PKMYT1: variants seen among roughly 807,000 people sequenced by gnomAD.
PKMYT1 encodes protein kinase, membrane associated tyrosine/threonine 1, also known as membrane-associated tyrosine- and threonine-specific cdc2-inhibitory kinase.
Under a neutral mutation model 49.7 loss-of-function variants are expected in PKMYT1, and 35 were observed. The ratio of observed to expected loss-of-function variants is 0.70; its 90% CI spans 0.54 to 0.93. PKMYT1 has a LOEUF of 0.93. Among genes scored for constraint, PKMYT1 ranks in the 40% least tolerant of loss-of-function variants. The pLI is 0.00. For missense variants in PKMYT1, 677 were observed against 673.1 expected (o/e 1.01, Z -0.06); for synonymous variants, 331 against 287.6 (o/e 1.15, Z -1.53).
rs919737992 is a variant in PKMYT1, at chr16:2,977,583, T to C, written c.11-552A>G. On this transcript the variant is annotated intron_variant, in intron 2 of 8. Coordinates refer to ENST00000262300, the MANE Select transcript of PKMYT1 (RefSeq NM_004203.5). ...AAACAGCACAACTGATGACGATTATTCAAAAGCAAGCACTGAAAGCCTCTG... is the reference window on the plus strand; with the variant it reads ...AAACAGCACAACTGATGACGATTATCCAAAAGCAAGCACTGAAAGCCTCTG... The C allele has an allele frequency of 1.2e-5, 9 of 776,538 alleles. No individual in the cohort carries two copies. In the African/African-American group the frequency reaches 1.7e-4, roughly 15 times the overall value. 48.1% of individuals were successfully genotyped at this position (776,538 alleles called of 1,614,324 possible). A position where few individuals can be genotyped will look rare whatever the true frequency, so the allele number is the denominator to read the frequency against.
chr16:2,973,114 A>G, intron 8 of PKMYT1, 24 bp downstream of exon 8: 3 of 1,560,734 alleles, frequency 1.9e-6, no homozygotes, highest in Non-Finnish European at 2.6e-6. Flanking sequence ...AGCCCTGCCC[A>G]CCCCAGCCCC....
chr16:2,972,815 C>T lies in PKMYT1; in HGVS notation c.*138G>A, dbSNP rs948763327. 3.9e-6 allele frequency: 6 copies of T among 1,538,000 alleles called. No individual in the cohort carries two copies. In the African/African-American group the frequency reaches 4.1e-5, roughly 11 times the overall value. ...GTTGCCACATGAGCAAGCTTGGGTGCTCCCAAGGTTCAAATACTTTTTATT... is the reference window on the plus strand; with the variant it reads ...GTTGCCACATGAGCAAGCTTGGGTGTTCCCAAGGTTCAAATACTTTTTATT... On this transcript the variant is annotated 3_prime_UTR_variant, in exon 9 of 9. Coordinates refer to ENST00000262300, the MANE Select transcript of PKMYT1 (RefSeq NM_004203.5).
At chr16:2,975,996 C>A (rs776986543) in intron 3 of PKMYT1, 184 bp from the exon 4 acceptor site, 1 of 679,994 alleles carries the variant, frequency 1.5e-6, no homozygotes, top group Non-Finnish European at 2.4e-6. Context: ...ATCCCTCGGG[C>A]TGGGTCTGTG....
rs61747725 is a variant in PKMYT1 at position 2,976,984 on chromosome 16, G to A, written c.58C>T (p.Pro20Ser). The A allele has an allele frequency of 4.9e-4, 762 of 1,565,820 alleles. 2 individuals are homozygous for A. The African/African-American group carries it at 8.9e-3, about 18-fold the overall frequency. The change falls in exon 3 of 9, where the codon CCT becomes TCT. Residue 20 changes from proline (P) to serine (S), a missense_variant. Physicochemically the swap from Pro to Ser is moderately conservative, Grantham distance 74. Transcript: ENST00000262300. ...MPMPTEGTPP[P>S]LSGTPIPVPA... ...ACTGGGATGGGGGTGCCACTCAGAG[G>A]TGGCGGGGTGCCCTCCGTGGGCATG...
At chr16:2,980,258 G>C (rs918564062) in intron 1 of PKMYT1, 28 bp downstream of exon 1, 5 of 154,296 alleles carry the variant, frequency 3.2e-5, no homozygotes, top group African/African-American at 1.2e-4. Flanking sequence ...GCCACGCCGA[G>C]GCCCCTCACG....
At chr16:2,976,211 T>G in intron 3 of PKMYT1, 1 of 221,038 alleles carries the variant, frequency 4.5e-6, no homozygotes. Context: ...ACAGGACTCA[T>G]ACAAGGGAAA....
At chr16:2,973,757 C>A (rs759755558) in intron 7 of PKMYT1, among the ~76,000 whole-genome samples, 2 of 152,154 alleles carry the variant, frequency 1.3e-5, no homozygotes, top group African/African-American at 4.8e-5. Context: ...CGGGGCTGCG[C>A]GGCCAGCCAC....
In PKMYT1 at chr16:2,978,181, A is replaced by C. The variant is rs554425419; in HGVS notation, c.11-1150T>G. 3.2e-4 allele frequency among the ~76,000 whole-genome samples: 49 copies of C among 152,332 alleles called. 1 individual carries two copies. In the South Asian group the frequency reaches 9.3e-3, roughly 29 times the overall value. On this transcript the variant is annotated intron_variant, in intron 2 of 8. Transcript: ENST00000262300. ...CTAGGGGTAGACGTAGGTCATAAAT[A>C]GAGCTCTCCCCACCCACCAACCCCC... is the stretch of plus-strand genomic sequence containing the variant.
chr16:2,976,972 T>C lies in PKMYT1; in HGVS notation c.70A>G (p.Thr24Ala), dbSNP rs774323517. Reference sequence around the variant, plus strand: ...AAGTAGGCTGGGACTGGGATGGGGGTGCCACTCAGAGGTGGCGGGGTGCCC... The same window carrying C: ...AAGTAGGCTGGGACTGGGATGGGGGCGCCACTCAGAGGTGGCGGGGTGCCC... The part of the protein sequence containing the change: ...TEGTPPPLSG[T>A]PIPVPAYFRH... The change falls in exon 3 of 9, where the codon ACC becomes GCC. Residue 24 changes from threonine to alanine, a missense_variant. Physicochemically the swap from Thr to Ala is moderately conservative, Grantham distance 58. Transcript: ENST00000262300. 33 of 1,559,324 alleles carry C rather than the reference T, an allele frequency of 2.1e-5. No individual in the cohort carries two copies. Among genetic ancestry groups the C allele is most frequent in the Non-Finnish European group, 2.5e-5 (29 of 1,151,642 alleles).
rs1201958859 is a variant in PKMYT1, at chr16:2,979,917, C to A, written c.-255-5G>T. On this transcript the variant is annotated splice_region_variant and splice_polypyrimidine_tract_variant and intron_variant, in intron 1 of 8. Coordinates refer to ENST00000262300, the MANE Select transcript of PKMYT1 (RefSeq NM_004203.5). ...CTCCGTGGGTGTGGGGAAGCCCTGG[C>A]GAACAGAGCAGTGGACGGGCTGTCA... The A allele has an allele frequency of 5.4e-6, 3 of 559,138 alleles. No individual in the cohort carries two copies. Among genetic ancestry groups the A allele is most frequent in the Non-Finnish European group, 6.5e-6 (2 of 309,612 alleles). 34.6% of individuals were successfully genotyped at this position (559,138 alleles called of 1,614,324 possible).
chr16:2,973,110 G>A (rs2072049772), intron 8 of PKMYT1, 28 bp downstream of exon 8: 2 of 1,562,350 alleles, frequency 1.3e-6, no homozygotes, highest in Non-Finnish European at 1.7e-6. Flanking sequence ...AGCTAGCCCT[G>A]CCCACCCCAG....
chr16:2,975,330 C>T lies in PKMYT1; in HGVS notation c.861G>A (p.Ala287=), dbSNP rs776415443. The T allele has an allele frequency of 2.9e-5, 47 of 1,611,556 alleles. No individual in the cohort carries two copies. Among genetic ancestry groups the T allele is most frequent in the Admixed American group, 1.3e-4 (8 of 59,908 alleles). The change falls in exon 4 of 9, where the codon GCG becomes GCA. Residue 287 remains alanine, a synonymous_variant. Coordinates refer to ENST00000262300, the MANE Select transcript of PKMYT1 (RefSeq NM_004203.5). ...GCCCCGGTCCCCACCTGAACACATCCGCTGCTGTCCCATAGGAGCCCTGCA... is the reference window on the plus strand; with the variant it reads ...GCCCCGGTCCCCACCTGAACACATCTGCTGCTGTCCCATAGGAGCCCTGCA... ...ELLQGSYGTA[A]DVFSLGLTIL...
At chr16:2,977,938 A>C (rs1207603633) in intron 2 of PKMYT1, among the ~76,000 whole-genome samples, 1 of 152,168 alleles carries the variant, frequency 6.6e-6, no homozygotes, top group Non-Finnish European at 1.5e-5. Flanking sequence ...CCTGCCCCCA[A>C]GCATAGAATA....
At position 2,974,355 on chromosome 16, in the gene PKMYT1, C is replaced by G. The variant is rs1437960180; in HGVS notation, c.1042G>C (p.Ala348Pro). 17 of 1,610,340 alleles carry G rather than the reference C, an allele frequency of 1.1e-5. No individual in the cohort carries two copies. Among genetic ancestry groups the G allele is most frequent in the South Asian group, 5.5e-5 (5 of 90,624 alleles). The change falls in exon 6 of 9, where the codon GCC becomes CCC. Residue 348 changes from alanine (A) to proline (P), a missense_variant. Ala to Pro is a conservative substitution (Grantham distance 27). Transcript: ENST00000262300. ...MMLEPDPKLR[A>P]TAEALLALPV... ...AGTGCCAGCAGGGCCTCGGCCGTGG[C>G]CCGCAGCTTGGGGTCTGGCTCCAGC...
At chr16:2,976,073 C>A (rs545235801) in intron 3 of PKMYT1, 59 of 450,558 alleles carry the variant, frequency 1.3e-4, no homozygotes, top group Non-Finnish European at 2.0e-4. Flanking sequence ...GGATGTGTCA[C>A]GAGGTGGAAA....
chr16:2,975,284 A>T, intron 4 of PKMYT1, 35 bp downstream of exon 4: 1 of 1,563,080 alleles, frequency 6.4e-7, no homozygotes, highest in Non-Finnish European at 8.7e-7. Flanking sequence ...GGCCTCCCAC[A>T]GCCTGCCAAA....
At position 2,979,825 on chromosome 16, in the gene PKMYT1, C is replaced by G; in HGVS notation, c.-168G>C. 1.4e-6 allele frequency: 1 copy of G among 708,582 alleles called. No individual in the cohort carries two copies. Among genetic ancestry groups the G allele is most frequent in the Non-Finnish European group, 2.4e-6 (1 of 415,780 alleles). 43.9% of individuals were successfully genotyped at this position (708,582 alleles called of 1,614,324 possible). ...CGCCTCACCCTCTCACCAGGCCCGA[C>G]ACATCTGCTGGCCACCTTTCCCGGT... On this transcript the variant is annotated 5_prime_UTR_variant, in exon 2 of 9. Transcript: ENST00000262300.
chr16:2,973,929 G>C (rs4149802), intron 7 of PKMYT1, 71 bp downstream of exon 7: 1 of 1,514,028 alleles, frequency 6.6e-7, no homozygotes, highest in South Asian at 1.2e-5. Flanking sequence ...CATTCACCAC[G>C]AATCTCCATG....
chr16:2,978,747 CA>C (rs145730606), intron 2 of PKMYT1, among the ~76,000 whole-genome samples: 46,334 of 133,714 alleles, frequency 0.35, 7,682 homozygotes, highest in Non-Finnish European at 0.36. Flanking sequence ...GACTCTGTCT[CA>C]AAAAAAAAAA....
Sources: allele counts gnomAD v4.1 joint callset (sites outside exome capture counted in the v4.1 genomes callset), GRCh38; gene constraint gnomAD v4.1.1; transcripts MANE v1.5; gene names NCBI Gene and HGNC (gene_info 2026-07-23, HGNC 2026-07-21).